GLCCI1: variants seen among roughly 807,000 people sequenced by gnomAD.
GLCCI1 encodes glucocorticoid induced 1, also known as glucocorticoid-induced transcript 1 protein.
Under a neutral mutation model 52.2 loss-of-function variants are expected in GLCCI1, and 24 were observed. That is an observed-to-expected ratio of 0.46 (90% CI 0.33 to 0.65). The LOEUF is 0.65. Among genes scored for constraint, GLCCI1 ranks in the 30% least tolerant of loss-of-function variants. GLCCI1 has a pLI of 0.02. For synonymous variants in GLCCI1, 310 were observed against 276.5 expected, an observed-to-expected ratio of 1.12 and a Z score of -1.20; for missense variants, 704 against 701.5, an observed-to-expected ratio of 1.00 and a Z score of -0.04.
chr7:7,968,865 T>A lies in GLCCI1; in HGVS notation c.-486T>A, dbSNP rs149254242. On this transcript the variant is annotated 5_prime_UTR_variant, in exon 1 of 8. Coordinates refer to ENST00000223145, the MANE Select transcript of GLCCI1 (RefSeq NM_138426.4). Reference sequence around the variant, plus strand: ...CGGCGGCGTTTGCGGTGGCGCGGACTCCGAGGAGCGCCAGCACCTCGAGGC... The same window carrying A: ...CGGCGGCGTTTGCGGTGGCGCGGACACCGAGGAGCGCCAGCACCTCGAGGC... 4.3e-4 allele frequency: 68 copies of A among 157,502 alleles called. 2 individuals are homozygous for A. In the East Asian group the frequency reaches 0.013, roughly 30 times the overall value. The allele number at this position is 157,502 out of a possible 1,614,324, so 9.8% of individuals were successfully genotyped here. A position where few individuals can be genotyped will look rare whatever the true frequency, so the allele number is the denominator to read the frequency against.
intron 2 of GLCCI1, among the ~76,000 whole-genome samples, chr7:8,011,790 CTTGTTG>C (rs144020176): frequency 2.7e-5 from 4 of 150,380 alleles, no homozygotes; most frequent in Non-Finnish European, 5.9e-5. Context: ...GTTGTTTTTT[CTTGTTG>C]TTGTTGTTGT....
chr7:8,036,617 A>G (rs1400655160), intron 3 of GLCCI1, among the ~76,000 whole-genome samples: 6 of 152,206 alleles, frequency 3.9e-5, no homozygotes, highest in African/African-American at 1.4e-4. Context: ...AAGTTCAATG[A>G]TACCCAAGAG....
At chr7:7,988,624 T>A (rs1163894295) in intron 1 of GLCCI1, among the ~76,000 whole-genome samples, 2 of 152,172 alleles carry the variant, frequency 1.3e-5, no homozygotes, top group African/African-American at 4.8e-5. Flanking sequence ...AAGAACCTAA[T>A]GTGGAGAGTA....
intron 6 of GLCCI1, among the ~76,000 whole-genome samples, chr7:8,073,437 C>T (rs1046709615): frequency 6.6e-6 from 1 of 152,124 alleles, no homozygotes; most frequent in Non-Finnish European, 1.5e-5. Flanking sequence ...ATATTTTCCT[C>T]TGTGCCCTTT....
chr7:8,028,803 C>A (rs1389664042), intron 3 of GLCCI1, among the ~76,000 whole-genome samples: 1 of 151,992 alleles, frequency 6.6e-6, no homozygotes, highest in Non-Finnish European at 1.5e-5. Context: ...TTCAAAAGAT[C>A]ATTAGTGGCT....
intron 2 of GLCCI1, among the ~76,000 whole-genome samples, chr7:8,008,069 AT>A (rs1781192493): frequency 6.6e-6 from 1 of 150,854 alleles, no homozygotes; most frequent in Non-Finnish European, 1.5e-5. Flanking sequence ...GCGTTACCTC[AT>A]TTTTTTATGT....
At chr7:8,072,814 G>T (rs1443894433) in intron 6 of GLCCI1, among the ~76,000 whole-genome samples, 2 of 152,172 alleles carry the variant, frequency 1.3e-5, no homozygotes. Flanking sequence ...AGACAGTTAA[G>T]TCTGGAGTTC....
chr7:8,039,131 A>G (rs1781940546), intron 3 of GLCCI1, among the ~76,000 whole-genome samples: 1 of 152,168 alleles, frequency 6.6e-6, no homozygotes. Flanking sequence ...AGGAAAAGGG[A>G]ATGCTTATAC....
intron 1 of GLCCI1, among the ~76,000 whole-genome samples, chr7:7,995,997 AAC>A (rs528890580): frequency 7.3e-4 from 111 of 152,300 alleles, no homozygotes; most frequent in Admixed American, 1.6e-3. Flanking sequence ...TCTTGTTAAA[AAC>A]AGTTTTTCTT....
chr7:8,037,247 T>G (rs1305257074), intron 3 of GLCCI1, among the ~76,000 whole-genome samples: 3 of 152,268 alleles, frequency 2.0e-5, no homozygotes, highest in Admixed American at 2.0e-4. Context: ...TTCAGACTTC[T>G]TAAAAGAAAA....
At chr7:8,007,082 G>C (rs900627034) in intron 2 of GLCCI1, among the ~76,000 whole-genome samples, 3 of 152,166 alleles carry the variant, frequency 2.0e-5, no homozygotes, top group African/African-American at 7.2e-5. Context: ...CCCATGGGGA[G>C]GGGCATGGCT....
chr7:8,033,959 G>A (rs1372114430), intron 3 of GLCCI1, among the ~76,000 whole-genome samples: 1 of 152,050 alleles, frequency 6.6e-6, no homozygotes, highest in Non-Finnish European at 1.5e-5. Context: ...GAATAATCTT[G>A]AAAACGAAAA....
Position 8,044,571 on chromosome 7 carries a change from A to C in GLCCI1, c.697-10862A>C, listed in dbSNP as rs191684971. Among the ~76,000 whole-genome samples the C allele has an allele frequency of 3.3e-3, 497 of 152,182 alleles. 9 individuals are homozygous for C. The highest frequency in any genetic ancestry group is 0.028 in the Admixed American group (433 of 15,294). ...TTTTTTGTAGAGACAATTTTTCGGC[A>C]TGTTGCCCAGGCTGGTCTCAATCTC... On this transcript the variant is annotated intron_variant, in intron 3 of 7. Transcript: ENST00000223145.
At chr7:7,980,749 C>G in intron 1 of GLCCI1, 3 of 685,096 alleles carry the variant, frequency 4.4e-6, no homozygotes, top group Admixed American at 2.1e-5. Context: ...TCTAGATTAC[C>G]TTGATGGTAC....
intron 1 of GLCCI1, among the ~76,000 whole-genome samples, chr7:7,995,061 T>C (rs1476255881): frequency 6.6e-6 from 1 of 152,222 alleles, no homozygotes; most frequent in African/African-American, 2.4e-5. Context: ...TGTATGGACA[T>C]CAATCCCAAG....
At chr7:8,044,079 G>C (rs1389631304) in intron 3 of GLCCI1, among the ~76,000 whole-genome samples, 1 of 151,850 alleles carries the variant, frequency 6.6e-6, no homozygotes, top group Non-Finnish European at 1.5e-5. Flanking sequence ...CGAGTAGCTG[G>C]GACTACAGGC....
At chr7:8,057,112 G>C (rs781038712) in intron 4 of GLCCI1, among the ~76,000 whole-genome samples, 2 of 152,130 alleles carry the variant, frequency 1.3e-5, no homozygotes, top group East Asian at 1.9e-4. Flanking sequence ...ACACAAAAAG[G>C]TACAACTACT....
intron 6 of GLCCI1, among the ~76,000 whole-genome samples, chr7:8,076,164 A>AT (rs988564224): frequency 1.3e-5 from 2 of 151,844 alleles, no homozygotes; most frequent in Non-Finnish European, 2.9e-5. Context: ...TTAACCCTCT[A>AT]TTTTTTAGAT....
rs114862702 is a variant in GLCCI1 at position 8,033,549 on chromosome 7, G to A, written c.696+10980G>A. 4.0e-3 allele frequency among the ~76,000 whole-genome samples: 606 copies of A among 152,064 alleles called. 6 individuals are homozygous for A. Among genetic ancestry groups the A allele is most frequent in the African/African-American group, 0.014 (587 of 41,536 alleles). On this transcript the variant is annotated intron_variant, in intron 3 of 7. Coordinates refer to ENST00000223145, the MANE Select transcript of GLCCI1 (RefSeq NM_138426.4). ...TTATTATAACTAATAAGTTTACCAAGGTTACATGATATGAGATCAACATAC... is the reference window on the plus strand; with the variant it reads ...TTATTATAACTAATAAGTTTACCAAAGTTACATGATATGAGATCAACATAC...
Sources: allele counts gnomAD v4.1 joint callset (sites outside exome capture counted in the v4.1 genomes callset), GRCh38; gene constraint gnomAD v4.1.1; transcripts MANE v1.5; gene names NCBI Gene and HGNC (gene_info 2026-07-23, HGNC 2026-07-21).